Variants in ACTR3 observed in about 807,000 individuals in gnomAD.
ACTR3 encodes the protein actin-related protein 3.
Under a neutral mutation model 56.8 loss-of-function variants are expected in ACTR3, and 12 were observed. That is an observed-to-expected ratio of 0.21 (90% CI 0.14 to 0.34). ACTR3 has a LOEUF of 0.34. Ranked by LOEUF, ACTR3 falls within the 10% of genes least tolerant of loss-of-function variation. The probability of loss-of-function intolerance (pLI) is 1.00; values close to 1 mark genes in which losing one functional copy is unlikely to be tolerated. For synonymous variants in ACTR3, 162 were observed against 167.4 expected (o/e 0.97, Z 0.25); for missense variants, 282 against 512.5 (o/e 0.55, Z 4.34).
At chr2:113,895,059 T>TGGGGGGGGGGGGGG (rs781004250) in intron 1 of ACTR3, among the ~76,000 whole-genome samples, 2 of 111,458 alleles carry the variant, frequency 1.8e-5, no homozygotes, top group Non-Finnish European at 1.8e-5. Context: ...TGGTTTAGGT[T>TGGGGGGGGGGGGGG]CCCCCCCCCC....
intron 6 of ACTR3, among the ~76,000 whole-genome samples, chr2:113,938,255 T>A (rs1679863367): frequency 6.6e-6 from 1 of 152,170 alleles, no homozygotes; most frequent in African/African-American, 2.4e-5. Context: ...TTCTTCATTA[T>A]ATGGAGTATA....
chr2:113,949,530 A>G (rs1358914026), intron 8 of ACTR3, among the ~76,000 whole-genome samples: 1 of 152,110 alleles, frequency 6.6e-6, no homozygotes, highest in Non-Finnish European at 1.5e-5. Flanking sequence ...GAGATATACA[A>G]TACTTGTTTG....
At chr2:113,915,943 T>G (rs1679397521) in intron 2 of ACTR3, among the ~76,000 whole-genome samples, 1 of 152,230 alleles carries the variant, frequency 6.6e-6, no homozygotes, top group African/African-American at 2.4e-5. Context: ...ATATTTGATC[T>G]GGAAAGCCTG....
rs200328609 is a variant in ACTR3, at chr2:113,908,251, G to GT, written c.45-4906dup. 7.8e-3 allele frequency among the ~76,000 whole-genome samples: 1,068 copies of GT among 136,604 alleles called. 7 individuals carry two copies. The highest frequency in any genetic ancestry group is 0.012 in the Middle Eastern group (3 of 248). 89.6% of individuals were successfully genotyped at this position (136,604 alleles called of 152,430 possible). The stretch of plus-strand genomic sequence containing the variant: ...GTCAAATGCCAATTAGCTGTTAGCA[G>GT]TTTTTTTTTTTTTTTGTCAAAGAAA... On this transcript the variant is annotated intron_variant, in intron 1 of 11. Coordinates refer to ENST00000263238, the MANE Select transcript of ACTR3 (RefSeq NM_005721.5).
chr2:113,926,342 A>G (rs1440203198), intron 3 of ACTR3, among the ~76,000 whole-genome samples: 4 of 152,238 alleles, frequency 2.6e-5, no homozygotes, highest in African/African-American at 9.6e-5. Flanking sequence ...ACTGATGTTG[A>G]GTAACACTAT....
intron 5 of ACTR3, among the ~76,000 whole-genome samples, chr2:113,931,889 ATT>A (rs763309786): frequency 2.2e-5 from 3 of 138,602 alleles, no homozygotes; most frequent in Non-Finnish European, 1.6e-5. Context: ...AGCTGACCTC[ATT>A]TTTTTTTTTT....
intron 2 of ACTR3, among the ~76,000 whole-genome samples, chr2:113,916,574 G>T (rs1403421257): frequency 6.6e-6 from 1 of 151,986 alleles, no homozygotes; most frequent in Non-Finnish European, 1.5e-5. Flanking sequence ...GATTTGGTGG[G>T]ATTACAGTTT....
intron 2 of ACTR3, among the ~76,000 whole-genome samples, chr2:113,914,638 GAA>G (rs1355621948): frequency 2.1e-5 from 3 of 144,148 alleles, no homozygotes; most frequent in African/African-American, 7.7e-5. Flanking sequence ...AAAAAAGAAA[GAA>G]AAAGAAAAGA....
intron 8 of ACTR3, among the ~76,000 whole-genome samples, chr2:113,944,229 A>G (rs1374871435): frequency 1.3e-5 from 2 of 152,174 alleles, no homozygotes; most frequent in African/African-American, 2.4e-5. Flanking sequence ...TTTGGAAATC[A>G]GCAGTCTGGA....
chr2:113,928,935 C>G (rs1679667991), intron 4 of ACTR3, among the ~76,000 whole-genome samples: 1 of 152,140 alleles, frequency 6.6e-6, no homozygotes, highest in Non-Finnish European at 1.5e-5. Context: ...TAGCTTTGCC[C>G]ATGTTTGAGT....
intron 1 of ACTR3, chr2:113,904,717 G>A (rs1295938021): frequency 6.6e-5 from 10 of 152,092 alleles, no homozygotes; most frequent in Non-Finnish European, 1.2e-4. Flanking sequence ...TTTTTATTTT[G>A]TTGTTGTTGT....
intron 6 of ACTR3, among the ~76,000 whole-genome samples, chr2:113,935,992 A>G (rs1433635106): frequency 2.0e-5 from 3 of 152,150 alleles, no homozygotes; most frequent in Admixed American, 6.5e-5. Flanking sequence ...TTTAGTAAGG[A>G]CATTAAGAGT....
chr2:113,922,948 A>G (rs1196511825), intron 3 of ACTR3, among the ~76,000 whole-genome samples: 1 of 152,222 alleles, frequency 6.6e-6, no homozygotes, highest in East Asian at 1.9e-4. Context: ...GAGAGGTGAT[A>G]GTGATGATGA....
intron 5 of ACTR3, among the ~76,000 whole-genome samples, chr2:113,932,870 C>T (rs1050487024): frequency 2.6e-5 from 4 of 151,978 alleles, no homozygotes; most frequent in African/African-American, 9.7e-5. Context: ...TTAATATGAT[C>T]TTGTGTTCAG....
At chr2:113,946,131 A>G (rs13397191) in intron 8 of ACTR3, among the ~76,000 whole-genome samples, 18,622 of 152,082 alleles carry the variant, frequency 0.12, 1,824 homozygotes, top group African/African-American at 0.27. Context: ...ATGATAGAAC[A>G]ATTTATACTC....
chr2:113,911,874 T>C (rs1360805930), intron 1 of ACTR3, among the ~76,000 whole-genome samples: 1 of 151,786 alleles, frequency 6.6e-6, no homozygotes, highest in African/African-American at 2.4e-5. Context: ...GTAGCTGGTA[T>C]TACAGGTGCC....
chr2:113,902,220 T>A (rs1679112588), intron 1 of ACTR3, among the ~76,000 whole-genome samples: 1 of 152,194 alleles, frequency 6.6e-6, no homozygotes, highest in Admixed American at 6.5e-5. Flanking sequence ...TCTTTTGCTG[T>A]TGATTTCTGC....
intron 1 of ACTR3, chr2:113,890,838 A>G: frequency 2.0e-6 from 2 of 976,486 alleles, no homozygotes; most frequent in Non-Finnish European, 2.4e-6. Flanking sequence ...GGGAAAGGGA[A>G]GAATCGGACT....
intron 4 of ACTR3, among the ~76,000 whole-genome samples, chr2:113,929,602 G>A (rs143588874): frequency 6.6e-6 from 1 of 152,258 alleles, no homozygotes; most frequent in Non-Finnish European, 1.5e-5. Flanking sequence ...CTTTTCCCAA[G>A]ATGGTGAACC....
Sources: allele counts gnomAD v4.1 joint callset (sites outside exome capture counted in the v4.1 genomes callset), GRCh38; gene constraint gnomAD v4.1.1; transcripts MANE v1.5; gene names NCBI Gene and HGNC (gene_info 2026-07-23, HGNC 2026-07-21).